CSMD1: variants seen among roughly 807,000 people sequenced by gnomAD.
CSMD1 encodes the protein CUB and sushi domain-containing protein 1.
In CSMD1, 213 loss-of-function variants were observed where a neutral mutation model predicts 417.5. The ratio of observed to expected loss-of-function variants is 0.51; its 90% CI spans 0.46 to 0.57. CSMD1 has a LOEUF of 0.57. CSMD1 is among the 20% of genes least tolerant of loss of function. The probability of loss-of-function intolerance (pLI) is 0.00; values close to 1 mark genes in which losing one functional copy is unlikely to be tolerated. For synonymous variants in CSMD1, 2,862 were observed against 1,736.8 expected, an observed-to-expected ratio of 1.65 and a Z score of -16.11; for missense variants, 6,923 against 4,529.7, an observed-to-expected ratio of 1.53 and a Z score of -15.17.
intron 2 of CSMD1, among the ~76,000 whole-genome samples, chr8:4,433,772 G>A (rs146115658): frequency 6.6e-6 from 1 of 152,054 alleles, no homozygotes; most frequent in South Asian, 2.1e-4. Flanking sequence ...TATAGATGGA[G>A]TTTAAAATTT....
intron 5 of CSMD1, among the ~76,000 whole-genome samples, chr8:3,932,797 T>C (rs1810243918): frequency 6.6e-6 from 1 of 150,548 alleles, no homozygotes; most frequent in African/African-American, 2.5e-5. Flanking sequence ...TTCATTTCAA[T>C]TGGAGATAAA....
chr8:4,956,831 G>T (rs896461631), intron 1 of CSMD1, among the ~76,000 whole-genome samples: 1 of 152,064 alleles, frequency 6.6e-6, no homozygotes. Flanking sequence ...TTGCTTCCAC[G>T]CACCTCCTGC....
At chr8:3,089,317 A>C (rs1017053999) in intron 48 of CSMD1, among the ~76,000 whole-genome samples, 3 of 152,210 alleles carry the variant, frequency 2.0e-5, no homozygotes, top group Non-Finnish European at 4.4e-5. Context: ...TGTACTTTCA[A>C]CCCGCCCAAT....
chr8:3,016,051 G>C (rs1291830498), intron 52 of CSMD1, among the ~76,000 whole-genome samples: 1 of 152,130 alleles, frequency 6.6e-6, no homozygotes, highest in East Asian at 1.9e-4. Context: ...ATGATGTTGG[G>C]CAAATTCTGT....
intron 2 of CSMD1, among the ~76,000 whole-genome samples, chr8:4,546,318 C>T (rs1170052298): frequency 6.6e-6 from 1 of 152,142 alleles, no homozygotes; most frequent in Non-Finnish European, 1.5e-5. Context: ...GGTAAATTTT[C>T]TGTGTCAACT....
chr8:4,196,992 T>G (rs1039860588), intron 3 of CSMD1, among the ~76,000 whole-genome samples: 4 of 152,262 alleles, frequency 2.6e-5, no homozygotes, highest in African/African-American at 7.2e-5. Context: ...ACAATATCTA[T>G]TCTACGCTTT....
In CSMD1 at chr8:3,753,931, T is replaced by G. The variant is rs1435919780; in HGVS notation, c.930A>C (p.Gln310His). 4.4e-6 allele frequency: 7 copies of G among 1,603,868 alleles called. No homozygotes were observed. In the African/African-American group the frequency reaches 6.7e-5, roughly 15 times the overall value. The change falls in exon 6 of 70, where the codon CAA becomes CAC. Residue 310 changes from glutamine (Q) to histidine (H), a missense_variant and splice_region_variant. Physicochemically the swap from Gln to His is conservative, Grantham distance 24. Transcript: ENST00000635120. The stretch of plus-strand genomic sequence containing the variant: ...TCTTATAAGATGGAGCATCCTTACC[T>G]TGGAACTGAGCGTTAAATCCTTTGC... ...HRRKGFNAQF[Q>H]VKKAIELKSR...
chr8:3,594,019 C>G (rs188348051), intron 8 of CSMD1, among the ~76,000 whole-genome samples: 1 of 152,296 alleles, frequency 6.6e-6, no homozygotes, highest in Admixed American at 6.5e-5. Context: ...TTTAGAGCAA[C>G]AGAGTGACGT....
chr8:3,653,112 G>C (rs1797941743), intron 7 of CSMD1, among the ~76,000 whole-genome samples: 1 of 151,932 alleles, frequency 6.6e-6, no homozygotes, highest in Non-Finnish European at 1.5e-5. Flanking sequence ...CCATGCATAT[G>C]CTTTATTAAT....
At chr8:3,783,873 T>A (rs149668910) in intron 5 of CSMD1, among the ~76,000 whole-genome samples, 37 of 151,964 alleles carry the variant, frequency 2.4e-4, no homozygotes, top group African/African-American at 8.7e-4. Flanking sequence ...CAGGAGCACA[T>A]GAACTAGACT....
chr8:3,456,095 T>A (rs965583714), intron 12 of CSMD1, among the ~76,000 whole-genome samples: 7 of 152,282 alleles, frequency 4.6e-5, no homozygotes, highest in African/African-American at 1.7e-4. Flanking sequence ...TTCATGGGCG[T>A]AGGACCCTCA....
intron 10 of CSMD1, among the ~76,000 whole-genome samples, chr8:3,495,575 T>A (rs1439471806): frequency 6.6e-6 from 1 of 152,230 alleles, no homozygotes; most frequent in African/African-American, 2.4e-5. Flanking sequence ...TCCACGCTGC[T>A]GATGCTCAGT....
intron 1 of CSMD1, among the ~76,000 whole-genome samples, chr8:4,778,360 T>A (rs1218123592): frequency 6.6e-6 from 1 of 152,198 alleles, no homozygotes; most frequent in Non-Finnish European, 1.5e-5. Flanking sequence ...TTTGATGATT[T>A]TTCCACAAAA....
chr8:4,896,776 G>C (rs1384066629), intron 1 of CSMD1, among the ~76,000 whole-genome samples: 1 of 152,056 alleles, frequency 6.6e-6, no homozygotes, highest in Admixed American at 6.5e-5. Flanking sequence ...GAAGGAGGTA[G>C]TTTCAGGGCT....
At chr8:4,039,074 C>T (rs1023799467) in intron 3 of CSMD1, among the ~76,000 whole-genome samples, 1 of 151,966 alleles carries the variant, frequency 6.6e-6, no homozygotes, top group Non-Finnish European at 1.5e-5. Flanking sequence ...TATTAATATT[C>T]ATTACTACAT....
intron 4 of CSMD1, among the ~76,000 whole-genome samples, chr8:4,012,070 A>G (rs759505943): frequency 4.6e-5 from 7 of 152,140 alleles, no homozygotes; most frequent in Non-Finnish European, 1.0e-4. Flanking sequence ...CAGCCATCAT[A>G]TGCCTAGCTA....
chr8:4,535,567 T>C (rs1396513413), intron 2 of CSMD1, among the ~76,000 whole-genome samples: 1 of 152,172 alleles, frequency 6.6e-6, no homozygotes, highest in African/African-American at 2.4e-5. Flanking sequence ...AAGTTACTCG[T>C]AGGTTAACCC....
chr8:3,644,440 G>A (rs531769426), intron 7 of CSMD1, among the ~76,000 whole-genome samples: 6 of 152,120 alleles, frequency 3.9e-5, no homozygotes, highest in African/African-American at 1.4e-4. Flanking sequence ...AAATAGGCAC[G>A]GTAGAAAGAA....
intron 1 of CSMD1, among the ~76,000 whole-genome samples, chr8:4,852,478 G>A (rs1801535319): frequency 6.6e-6 from 1 of 152,044 alleles, no homozygotes. Context: ...CTCACCAGTT[G>A]AGGCCTCATC....
Sources: gnomAD v4.1 joint callset for allele counts (sites outside exome capture counted in the v4.1 genomes callset) on GRCh38, gnomAD v4.1.1 for gene constraint, MANE v1.5 for transcripts, NCBI Gene and HGNC (gene_info 2026-07-23, HGNC 2026-07-21) for gene names.